FZD3: variants seen among roughly 807,000 people sequenced by gnomAD.
The protein encoded by FZD3 is frizzled class receptor 3.
FZD3 carries 30 observed loss-of-function variants against 60.7 expected under a neutral mutation model. That is an observed-to-expected ratio of 0.49 (90% CI 0.37 to 0.67). The LOEUF (loss-of-function observed/expected upper bound fraction) is 0.67, where lower values mean the gene tolerates loss of function less well. FZD3 is among the 30% of genes least tolerant of loss of function. The pLI is 0.00. For synonymous variants in FZD3, 246 were observed against 275.2 expected, an observed-to-expected ratio of 0.89 and a Z score of 1.05; for missense variants, 605 against 838.7, an observed-to-expected ratio of 0.72 and a Z score of 3.44.
chr8:28,534,425 T>C (rs1430931876), intron 5 of FZD3, among the ~76,000 whole-genome samples: 1 of 152,198 alleles, frequency 6.6e-6, no homozygotes, highest in Non-Finnish European at 1.5e-5. Context: ...TGTTGGCATG[T>C]GCCTGTAGTC....
rs577649784 is a variant in FZD3 at position 28,565,648 on chromosome 8, C to T, written c.*2637C>T. ...TTTTAGATAATCATTTGTATTTTCT[C>T]TATTAAATTGTGGGTATGTATGGGA... On this transcript the variant is annotated 3_prime_UTR_variant, in exon 8 of 8. Coordinates refer to ENST00000240093, the MANE Select transcript of FZD3 (RefSeq NM_017412.4). 1.3e-5 allele frequency: 2 copies of T among 152,096 alleles called. No homozygotes were observed. Among genetic ancestry groups the T allele is most frequent in the East Asian group, 3.9e-4 (2 of 5,106 alleles). The allele number at this position is 152,096 out of a possible 1,614,324, so 9.4% of individuals were successfully genotyped here.
chr8:28,560,194 G>T (rs1033973880), intron 7 of FZD3, among the ~76,000 whole-genome samples: 1 of 149,958 alleles, frequency 6.7e-6, no homozygotes, highest in Non-Finnish European at 1.5e-5. Flanking sequence ...CATCTTCAAG[G>T]TTTTTTTATG....
At chr8:28,523,572 T>C (rs984482533) in intron 4 of FZD3, among the ~76,000 whole-genome samples, 5 of 150,750 alleles carry the variant, frequency 3.3e-5, no homozygotes, top group Non-Finnish European at 7.4e-5. Flanking sequence ...TGGGATTACA[T>C]GGGCGTACCA....
rs1463061309 is a variant in FZD3 at position 28,527,471 on chromosome 8, T to C, written c.711T>C (p.Pro237=). 1 of 1,612,996 alleles carries C rather than the reference T, an allele frequency of 6.2e-7. No individual in the cohort carries two copies. The highest frequency in any genetic ancestry group is 1.3e-5 in the African/African-American group (1 of 74,912). ...CAAGATTCCGTTATCCTGAAAGGCC[T>C]ATTATATTTTATGCAGTCTGCTACA... is the stretch of plus-strand genomic sequence containing the variant. ...DVTRFRYPER[P]IIFYAVCYMM... is the part of the protein sequence containing the mutation. The change falls in exon 5 of 8, where the codon CCT becomes CCC. Residue 237 remains proline, a synonymous_variant. Coordinates refer to ENST00000240093, the MANE Select transcript of FZD3 (RefSeq NM_017412.4). The surrounding 1 kb of genome is among the most constrained non-coding windows in gnomAD (Gnocchi z 5.0).
At position 28,520,701 on chromosome 8, in the gene FZD3, T is replaced by C. The variant is rs778956876; in HGVS notation, c.253T>C (p.Tyr85His). 1 of 1,611,424 alleles carries C rather than the reference T, an allele frequency of 6.2e-7. No homozygotes were observed. The highest frequency in any genetic ancestry group is 2.2e-5 in the East Asian group (1 of 44,846). Residue 85 changes from tyrosine to histidine, a missense_variant, in exon 4 of 8, where the codon TAC becomes CAC. Physicochemically the swap from Tyr to His is moderately conservative, Grantham distance 83. Coordinates refer to ENST00000240093, the MANE Select transcript of FZD3 (RefSeq NM_017412.4). ...RDFRPFLCAL[Y>H]APICMEYGRV... ...TTTCCGGCCTTTTCTTTGTGCACTC[T>C]ACGCTCCTATTTGTATGGAATATGG... is the stretch of plus-strand genomic sequence containing the variant.
At chr8:28,542,176 A>G (rs1028539874) in intron 5 of FZD3, among the ~76,000 whole-genome samples, 3 of 141,958 alleles carry the variant, frequency 2.1e-5, no homozygotes, top group African/African-American at 5.3e-5. Context: ...GTCTCCTACC[A>G]TTTCTCTTCC....
chr8:28,526,265 A>G (rs1804713016), intron 4 of FZD3, among the ~76,000 whole-genome samples: 2 of 152,146 alleles, frequency 1.3e-5, no homozygotes, highest in African/African-American at 4.8e-5. Context: ...GCCACAAGTC[A>G]TGCATACTTT....
Position 28,536,696 on chromosome 8 carries a change from G to A in FZD3, c.1404+8532G>A, listed in dbSNP as rs560816700. Among the ~76,000 whole-genome samples, 12 of 152,146 alleles carry A rather than the reference G, an allele frequency of 7.9e-5. No homozygotes were observed. In the South Asian group the frequency reaches 2.3e-3, roughly 29 times the overall value. On this transcript the variant is annotated intron_variant, in intron 5 of 7. Coordinates refer to ENST00000240093, the MANE Select transcript of FZD3 (RefSeq NM_017412.4). ...TGCATTCCAGCCTGGGCGACAGGGA[G>A]ACCCTGTCTCAAAAAAAAATTATTT...
Sources: allele counts gnomAD v4.1 joint callset (sites outside exome capture counted in the v4.1 genomes callset), GRCh38; gene constraint gnomAD v4.1.1; non-coding constraint Gnocchi (gnomAD v3.1); transcripts MANE v1.5; gene names NCBI Gene and HGNC (gene_info 2026-07-23, HGNC 2026-07-21).